The following TTC29 variants were observed in gnomAD, a reference collection of about 807,000 sequenced individuals.
The protein encoded by TTC29 is tetratricopeptide repeat protein 29.
Under a neutral mutation model 58.1 loss-of-function variants are expected in TTC29, and 49 were observed. That is an observed-to-expected ratio of 0.84 (90% CI 0.67 to 1.07). The LOEUF (loss-of-function observed/expected upper bound fraction) is 1.07. TTC29 is among the 50% of genes least tolerant of loss of function. TTC29 has a pLI of 0.00. For missense variants in TTC29, 582 were observed against 555.6 expected (o/e 1.05, Z -0.48); for synonymous variants, 209 against 196.8 (o/e 1.06, Z -0.52).
chr4:146,731,537 A>G (rs976666796), intron 11 of TTC29, among the ~76,000 whole-genome samples: 1 of 152,154 alleles, frequency 6.6e-6, no homozygotes, highest in Non-Finnish European at 1.5e-5. Flanking sequence ...CTAGGCAAGT[A>G]TGAGGAAGAA....
chr4:146,830,766 T>A (rs1728103351), intron 9 of TTC29, among the ~76,000 whole-genome samples: 2 of 152,088 alleles, frequency 1.3e-5, no homozygotes, highest in South Asian at 4.1e-4. Flanking sequence ...TGTGTTTGTG[T>A]TTATATGTGT....
intron 9 of TTC29, among the ~76,000 whole-genome samples, chr4:146,822,121 TAAAA>T (rs200326558): frequency 4.2e-5 from 6 of 143,320 alleles, no homozygotes; most frequent in African/African-American, 1.5e-4. Context: ...TATTTTCTTT[TAAAA>T]AAAAAAAAAA....
intron 11 of TTC29, among the ~76,000 whole-genome samples, chr4:146,776,467 T>C (rs1418314661): frequency 6.6e-6 from 1 of 151,968 alleles, no homozygotes; most frequent in Non-Finnish European, 1.5e-5. Context: ...TTATCTTCTT[T>C]GATGCATTTG....
intron 6 of TTC29, among the ~76,000 whole-genome samples, chr4:146,886,592 T>A (rs1731998863): frequency 6.6e-6 from 1 of 152,116 alleles, no homozygotes; most frequent in Non-Finnish European, 1.5e-5. Context: ...TAAAGGCAAA[T>A]GGCCAGAACT....
intron 8 of TTC29, among the ~76,000 whole-genome samples, chr4:146,844,893 T>C (rs1010821245): frequency 1.3e-5 from 2 of 152,152 alleles, no homozygotes; most frequent in African/African-American, 2.4e-5. Flanking sequence ...TCGTTAGTAA[T>C]GGCAGAGGTA....
intron 9 of TTC29, among the ~76,000 whole-genome samples, chr4:146,829,511 G>C (rs1396522661): frequency 6.6e-6 from 1 of 152,112 alleles, no homozygotes; most frequent in African/African-American, 2.4e-5. Flanking sequence ...TCAGTGACAG[G>C]AGAAAATGCA....
At chr4:146,851,758 C>G (rs1254074911) in intron 8 of TTC29, among the ~76,000 whole-genome samples, 1 of 152,096 alleles carries the variant, frequency 6.6e-6, no homozygotes, top group Non-Finnish European at 1.5e-5. Flanking sequence ...TTCTGAATTT[C>G]AAGGCAAATT....
intron 11 of TTC29, among the ~76,000 whole-genome samples, chr4:146,765,714 A>T (rs1465862866): frequency 6.6e-6 from 1 of 152,124 alleles, no homozygotes; most frequent in Non-Finnish European, 1.5e-5. Flanking sequence ...AAACGGAGTG[A>T]ATGGATTAGA....
intron 11 of TTC29, among the ~76,000 whole-genome samples, chr4:146,710,474 C>T (rs904403678): frequency 1.3e-5 from 2 of 152,128 alleles, no homozygotes; most frequent in East Asian, 1.9e-4. Context: ...TGTCCTTACG[C>T]GGTGCATGAC....
chr4:146,905,433 T>A (rs1166614766), intron 5 of TTC29, among the ~76,000 whole-genome samples: 2 of 151,290 alleles, frequency 1.3e-5, no homozygotes, highest in African/African-American at 4.8e-5. Flanking sequence ...TAAGGTTTTT[T>A]TTTTTAGGAA....
intron 11 of TTC29, among the ~76,000 whole-genome samples, chr4:146,797,478 T>C (rs1749905639): frequency 6.6e-6 from 1 of 152,152 alleles, no homozygotes; most frequent in South Asian, 2.1e-4. Flanking sequence ...AAAAGCTTTA[T>C]TTTGCCTATG....
At chr4:146,937,789 T>C in intron 3 of TTC29, 112 bp from the exon 4 acceptor site, 1 of 564,352 alleles carries the variant, frequency 1.8e-6, no homozygotes, top group Non-Finnish European at 3.0e-6. Flanking sequence ...ATACCATATG[T>C]AATAAACGCA....
chr4:146,730,392 C>T (rs1395841919), intron 11 of TTC29, among the ~76,000 whole-genome samples: 2 of 151,914 alleles, frequency 1.3e-5, no homozygotes, highest in East Asian at 1.9e-4. Flanking sequence ...ATTATGTACA[C>T]AAGTGAGGAA....
intron 4 of TTC29, among the ~76,000 whole-genome samples, chr4:146,929,487 C>T (rs76792457): frequency 0.067 from 10,151 of 152,178 alleles, 483 homozygotes; most frequent in Non-Finnish European, 0.1. Context: ...CAGGATGCTT[C>T]CATGAAAAGC....
At chr4:146,820,638 T>C (rs1291569771) in intron 9 of TTC29, among the ~76,000 whole-genome samples, 6 of 152,182 alleles carry the variant, frequency 3.9e-5, no homozygotes, top group Non-Finnish European at 8.8e-5. Flanking sequence ...GCATTATTCA[T>C]AATAGCCAAG....
intron 6 of TTC29, among the ~76,000 whole-genome samples, chr4:146,894,230 C>T (rs530393892): frequency 9.1e-4 from 139 of 152,056 alleles, no homozygotes; most frequent in African/African-American, 3.3e-3. Context: ...CACATGCACA[C>T]GTATGTTTAT....
At chr4:146,718,483 T>A (rs146570823) in intron 11 of TTC29, among the ~76,000 whole-genome samples, 2 of 152,338 alleles carry the variant, frequency 1.3e-5, no homozygotes, top group Non-Finnish European at 2.9e-5. Context: ...TGTTTCCATA[T>A]GTCTGTTCGC....
chr4:146,932,009 C>T (rs1160163437), intron 4 of TTC29, among the ~76,000 whole-genome samples: 2 of 152,054 alleles, frequency 1.3e-5, no homozygotes, highest in Non-Finnish European at 2.9e-5. Context: ...TTCTTCCCTT[C>T]CTTCTCTTTC....
At chr4:146,759,170 A>G (rs1746683557) in intron 11 of TTC29, among the ~76,000 whole-genome samples, 1 of 152,156 alleles carries the variant, frequency 6.6e-6, no homozygotes. Flanking sequence ...CCACTGAAAT[A>G]CAAAAGATCA....
Sources: gnomAD v4.1 joint callset for allele counts (sites outside exome capture counted in the v4.1 genomes callset) on GRCh38, gnomAD v4.1.1 for gene constraint, MANE v1.5 for transcripts, NCBI Gene and HGNC (gene_info 2026-07-23, HGNC 2026-07-21) for gene names.